Variants in PTPRJ observed in about 807,000 individuals in gnomAD.
PTPRJ encodes the protein protein tyrosine phosphatase receptor type J.
A neutral mutation model predicts 141.3 loss-of-function variants in PTPRJ; 129 were observed. That is an observed-to-expected ratio of 0.91 (90% CI 0.79 to 1.06). PTPRJ has a LOEUF of 1.06. Among genes scored for constraint, PTPRJ ranks in the 50% least tolerant of loss-of-function variants. The pLI, the probability that PTPRJ is intolerant of heterozygous loss-of-function variation, is 0.00. For missense variants in PTPRJ, 1,601 were observed against 1,679.7 expected (o/e 0.95, Z 0.82); for synonymous variants, 610 against 640.5 (o/e 0.95, Z 0.72).
At chr11:48,053,331 A>AATATATT (rs1305327764) in intron 1 of PTPRJ, among the ~76,000 whole-genome samples, 1 of 93,122 alleles carries the variant, frequency 1.1e-5, no homozygotes, top group African/African-American at 4.6e-5. Context: ...ATTATATATT[A>AATATATT]ATATATTATA....
intron 1 of PTPRJ, 146 bp from the exon 2 acceptor site, chr11:48,109,912 C>A: frequency 1.2e-6 from 1 of 823,742 alleles, no homozygotes; most frequent in Non-Finnish European, 2.0e-6. Flanking sequence ...TGTCCCAAGA[C>A]GGCCTAACCC....
intron 1 of PTPRJ, among the ~76,000 whole-genome samples, chr11:48,052,706 G>A (rs1207002345): frequency 1.3e-5 from 2 of 152,120 alleles, no homozygotes; most frequent in Non-Finnish European, 2.9e-5. Context: ...TTGGGGGAGT[G>A]TCAAGCTTAT....
intron 12 of PTPRJ, 98 bp downstream of exon 12, chr11:48,143,148 G>A (rs1350316363): frequency 7.1e-5 from 104 of 1,458,630 alleles, no homozygotes; most frequent in Middle Eastern, 2.4e-4. Context: ...GCAGACACAC[G>A]CCTGTCTTCT....
At chr11:48,072,295 G>T (rs1055572430) in intron 1 of PTPRJ, among the ~76,000 whole-genome samples, 5 of 152,152 alleles carry the variant, frequency 3.3e-5, no homozygotes, top group African/African-American at 7.2e-5. Context: ...ATCTGGCCAG[G>T]GCCTTCTTGC....
At chr11:48,068,213 A>C (rs1442146150) in intron 1 of PTPRJ, among the ~76,000 whole-genome samples, 1 of 152,196 alleles carries the variant, frequency 6.6e-6, no homozygotes, top group Non-Finnish European at 1.5e-5. Flanking sequence ...GAACATTTTA[A>C]AATCAGCTGG....
At chr11:48,153,911 T>C in intron 19 of PTPRJ, 25 bp downstream of exon 19, 1 of 1,499,176 alleles carries the variant, frequency 6.7e-7, no homozygotes, top group Non-Finnish European at 9.3e-7. Flanking sequence ...CTACAGCATC[T>C]TCTCTGTGTT....
At chr11:48,036,615 T>C (rs987967696) in intron 1 of PTPRJ, among the ~76,000 whole-genome samples, 7 of 152,178 alleles carry the variant, frequency 4.6e-5, no homozygotes, top group Admixed American at 1.3e-4. Context: ...CGAATCCTGG[T>C]TTTTTCTTCT....
intron 1 of PTPRJ, among the ~76,000 whole-genome samples, chr11:48,106,770 T>C (rs34827149): frequency 0.16 from 21,809 of 139,664 alleles, 1,717 homozygotes; most frequent in East Asian, 0.28. Flanking sequence ...TTTCTTTTTT[T>C]TTTTTTTTTT....
chr11:48,005,383 C>T (rs1854596615), intron 1 of PTPRJ, among the ~76,000 whole-genome samples: 1 of 152,164 alleles, frequency 6.6e-6, no homozygotes, highest in African/African-American at 2.4e-5. Flanking sequence ...CTGGCAACCA[C>T]CAATTTGCTT....
chr11:48,149,344 G>C, intron 15 of PTPRJ, 103 bp from the exon 16 acceptor site: 6 of 805,458 alleles, frequency 7.4e-6, no homozygotes, highest in Non-Finnish European at 1.2e-5. Context: ...AGGAAAAGGT[G>C]TAACACCTTT....
intron 15 of PTPRJ, among the ~76,000 whole-genome samples, chr11:48,149,067 T>G (rs559137112): frequency 3.3e-5 from 5 of 152,226 alleles, no homozygotes; most frequent in Non-Finnish European, 7.3e-5. Context: ...GGATCTGATA[T>G]GTTTTTTGGT....
intron 1 of PTPRJ, among the ~76,000 whole-genome samples, chr11:48,016,169 C>A (rs945163398): frequency 6.6e-6 from 1 of 152,148 alleles, no homozygotes; most frequent in Admixed American, 6.6e-5. Context: ...ACTGTGGATT[C>A]CTTCTTGGTG....
rs1351743334 is a variant in PTPRJ at position 48,168,582 on chromosome 11, A to ATGTG, written c.*1220_*1221insTGTG. 1.8e-4 allele frequency: 18 copies of ATGTG among 97,826 alleles called. 1 individual carries two copies. The highest frequency in any genetic ancestry group is 6.0e-3 in the Middle Eastern group (1 of 166). The allele number at this position is 97,826 out of a possible 1,614,324, so 6.1% of individuals were successfully genotyped here. A position where few individuals can be genotyped will look rare whatever the true frequency, so the allele number is the denominator to read the frequency against. ...TATATATATATATATATATATATAT[A>ATGTG]CACTAAGCTCTCAAAAACAGTCATT... is the stretch of plus-strand genomic sequence containing the variant. On this transcript the variant is annotated 3_prime_UTR_variant, in exon 25 of 25. Coordinates refer to ENST00000418331, the MANE Select transcript of PTPRJ (RefSeq NM_002843.4).
At chr11:48,143,422 G>A (rs897892946) in intron 12 of PTPRJ, among the ~76,000 whole-genome samples, 15 of 152,196 alleles carry the variant, frequency 9.9e-5, no homozygotes, top group African/African-American at 3.6e-4. Context: ...GCTGATCTGT[G>A]ATCTAGGTTT....
chr11:47,997,110 G>T (rs1177696197), intron 1 of PTPRJ, among the ~76,000 whole-genome samples: 1 of 152,188 alleles, frequency 6.6e-6, no homozygotes, highest in Non-Finnish European at 1.5e-5. Flanking sequence ...TGGATAACTC[G>T]CTGTTTTGGG....
Position 48,007,442 on chromosome 11 carries a change from G to A in PTPRJ, c.96+26434G>A, listed in dbSNP as rs546757633. ...TTCTTTTCTTTTTTTTTTCCTCACT[G>A]TGTCACCCAGACTGTAGTGCAGTGG... On this transcript the variant is annotated intron_variant, in intron 1 of 24. Coordinates refer to ENST00000418331, the MANE Select transcript of PTPRJ (RefSeq NM_002843.4). 3.7e-4 allele frequency among the ~76,000 whole-genome samples: 55 copies of A among 149,024 alleles called. 1 individual carries two copies. The South Asian group carries it at 7.0e-3, about 19-fold the overall frequency.
chr11:48,033,951 GCTT>G (rs1453535019), intron 1 of PTPRJ, among the ~76,000 whole-genome samples: 5 of 152,208 alleles, frequency 3.3e-5, no homozygotes, highest in African/African-American at 4.8e-5. Flanking sequence ...TTCCTAAAAG[GCTT>G]CTTCTTTCCA....
intron 8 of PTPRJ, chr11:48,131,650 G>T: frequency 1.5e-6 from 1 of 676,476 alleles, no homozygotes; most frequent in Non-Finnish European, 2.7e-6. Flanking sequence ...ATTTGCTTAT[G>T]TACTGTCTAT....
At chr11:48,091,679 G>A (rs570466083) in intron 1 of PTPRJ, among the ~76,000 whole-genome samples, 104 of 152,220 alleles carry the variant, frequency 6.8e-4, no homozygotes, top group Non-Finnish European at 1.0e-3. Context: ...GAAAAAATTC[G>A]AAAAGTCACC....
Sources: allele counts gnomAD v4.1 joint callset (sites outside exome capture counted in the v4.1 genomes callset), GRCh38; gene constraint gnomAD v4.1.1; transcripts MANE v1.5; gene names NCBI Gene and HGNC (gene_info 2026-07-23, HGNC 2026-07-21).